Variants in ARID4B observed in about 807,000 individuals in gnomAD.
The protein encoded by ARID4B is AT-rich interaction domain 4B.
A neutral mutation model predicts 147.5 loss-of-function variants in ARID4B; 26 were observed. The observed-to-expected ratio is 0.18, with a 90% CI of 0.13 to 0.24. ARID4B has a LOEUF of 0.24. Among genes scored for constraint, ARID4B ranks in the 10% least tolerant of loss-of-function variants. ARID4B has a pLI of 1.00. For missense variants in ARID4B, 1,179 were observed against 1,511.5 expected (o/e 0.78, Z 3.65); for synonymous variants, 512 against 507.9 (o/e 1.01, Z -0.11).
At chr1:235,270,733 C>T (rs1291655934) in intron 2 of ARID4B, among the ~76,000 whole-genome samples, 1 of 152,234 alleles carries the variant, frequency 6.6e-6, no homozygotes, top group Non-Finnish European at 1.5e-5. Flanking sequence ...AGCCAATCTA[C>T]TCTGCCTTGA....
intron 8 of ARID4B, among the ~76,000 whole-genome samples, chr1:235,236,530 T>G (rs1160310632): frequency 2.1e-5 from 3 of 140,722 alleles, no homozygotes; most frequent in African/African-American, 8.0e-5. Context: ...GTGTGTGTGT[T>G]TGAGATGGGG....
intron 16 of ARID4B, among the ~76,000 whole-genome samples, chr1:235,215,037 G>T (rs1666968404): frequency 6.6e-6 from 1 of 151,664 alleles, no homozygotes; most frequent in Admixed American, 6.6e-5. Flanking sequence ...TAGTGACAGG[G>T]TTTCACCATG....
At chr1:235,194,256 TATCAGAAACA>T (rs1201059639) in intron 18 of ARID4B, 45 bp from the exon 19 acceptor site, 2 of 1,389,328 alleles carry the variant, frequency 1.4e-6, no homozygotes, top group Non-Finnish European at 1.0e-6. Context: ...ATAAGGCATT[TATCAGAAACA>T]ATGTTAATGT....
chr1:235,221,574 G>T lies in ARID4B; in HGVS notation c.1154C>A (p.Ala385Asp). ...NSAAGYNVKCAYKKYLYGFEE... is the reference protein window; with the variant it reads ...NSAAGYNVKCDYKKYLYGFEE... ...AATTATACTAACTTACTTTTTATAA[G>T]CACATTTAACATTGTATCCTGCAGC... Residue 385 changes from alanine to aspartate, a missense_variant, in exon 14 of 24, where the codon GCT (alanine) becomes GAT (aspartate). Transcript: ENST00000264183. The T allele has an allele frequency of 1.3e-6, 2 of 1,584,608 alleles. No individual in the cohort carries two copies. The highest frequency in any genetic ancestry group is 8.6e-7 in the Non-Finnish European group (1 of 1,160,238).
intron 17 of ARID4B, among the ~76,000 whole-genome samples, chr1:235,205,778 C>T (rs1666268839): frequency 6.6e-6 from 1 of 152,122 alleles, no homozygotes; most frequent in South Asian, 2.1e-4. Flanking sequence ...AAATGTTCAA[C>T]TCTACATTTC....
intron 2 of ARID4B, among the ~76,000 whole-genome samples, chr1:235,284,121 G>A (rs1671829860): frequency 6.6e-6 from 1 of 152,106 alleles, no homozygotes; most frequent in Non-Finnish European, 1.5e-5. Flanking sequence ...CACCACTTTG[G>A]AAGGCCTAGA....
At chr1:235,196,256 G>A (rs1665482977) in intron 17 of ARID4B, 141 bp from the exon 18 acceptor site, 1 of 456,214 alleles carries the variant, frequency 2.2e-6, no homozygotes, top group Non-Finnish European at 3.8e-6. Flanking sequence ...TTCCTGGTTT[G>A]AAGAGCAAGC....
chr1:235,327,157 T>A, intron 1 of ARID4B, 189 bp from the exon 2 acceptor site: 1 of 533,966 alleles, frequency 1.9e-6, no homozygotes, highest in East Asian at 3.2e-5. Flanking sequence ...CCCAACCACC[T>A]ACACAGCTCG....
chr1:235,228,981 C>G (rs767766947), intron 11 of ARID4B: 6 of 393,948 alleles, frequency 1.5e-5, no homozygotes, highest in Non-Finnish European at 2.7e-5. Context: ...TTAAAAAAAG[C>G]ATAGGAAGAC....
chr1:235,221,747 A>G lies in ARID4B; in HGVS notation c.1066-85T>C, dbSNP rs1667477713. On this transcript the variant is annotated intron_variant, in intron 13 of 23. Coordinates refer to ENST00000264183, the MANE Select transcript of ARID4B (RefSeq NM_016374.6). ...TGATAGACACAGTATATATGAGTAT[A>G]TTTTTATATTTATTGGTCCTAGACT... 6.4e-5 allele frequency: 36 copies of G among 564,942 alleles called. 1 individual carries two copies. The South Asian group carries it at 1.2e-3, about 19-fold the overall frequency. 35.0% of individuals were successfully genotyped at this position (564,942 alleles called of 1,614,324 possible).
At chr1:235,232,123 A>T (rs1668276602) in intron 9 of ARID4B, among the ~76,000 whole-genome samples, 1 of 152,042 alleles carries the variant, frequency 6.6e-6, no homozygotes, top group African/African-American at 2.4e-5. Context: ...CCCATCTCTT[A>T]AAAAATAAAG....
intron 16 of ARID4B, among the ~76,000 whole-genome samples, chr1:235,214,836 C>CTTTT (rs1558209454): frequency 6.0e-5 from 3 of 49,658 alleles, no homozygotes; most frequent in Non-Finnish European, 7.9e-5. Flanking sequence ...AGTATTACAT[C>CTTTT]CTTTTTTTTT....
intron 2 of ARID4B, among the ~76,000 whole-genome samples, chr1:235,272,261 C>A (rs868833107): frequency 2.6e-5 from 4 of 152,164 alleles, no homozygotes; most frequent in Non-Finnish European, 5.9e-5. Context: ...AATATACCAA[C>A]ATTTTGCAAA....
chr1:235,265,348 A>G (rs2103127645), intron 2 of ARID4B, among the ~76,000 whole-genome samples: 1 of 151,898 alleles, frequency 6.6e-6, no homozygotes, highest in East Asian at 1.9e-4. Flanking sequence ...CCCAGGCGAC[A>G]CTGTGAGACT....
rs866753090 is a variant in ARID4B at position 235,236,866 on chromosome 1, T to A, written c.586-2374A>T. On this transcript the variant is annotated intron_variant, in intron 8 of 23. Transcript: ENST00000264183. ...TATATATATATATATATATATATTT[T>A]TTTTTTTTTTTTTTTTTTTTTTTGA... Among the ~76,000 whole-genome samples, 152 of 25,862 alleles carry A rather than the reference T, an allele frequency of 5.9e-3. 1 individual carries two copies. Among genetic ancestry groups the A allele is most frequent in the South Asian group, 0.02 (4 of 202 alleles). The allele number at this position is 25,862 out of a possible 152,430, so 17.0% of individuals were successfully genotyped here. A position where few individuals can be genotyped will look rare whatever the true frequency, so the allele number is the denominator to read the frequency against.
chr1:235,256,992 C>A (rs573572779), intron 4 of ARID4B, among the ~76,000 whole-genome samples, 168 bp downstream of exon 4: 1 of 152,296 alleles, frequency 6.6e-6, no homozygotes, highest in South Asian at 2.1e-4. Context: ...CCTCCTGCCT[C>A]AGCCTCCTTA....
chr1:235,190,195 C>T (rs1664998268), intron 19 of ARID4B: 1 of 152,404 alleles, frequency 6.6e-6, no homozygotes, highest in Non-Finnish European at 1.5e-5. Context: ...TGCCAGTAAT[C>T]CCAGCACTTT....
At chr1:235,323,363 C>T (rs886096868) in intron 2 of ARID4B, among the ~76,000 whole-genome samples, 4 of 151,918 alleles carry the variant, frequency 2.6e-5, no homozygotes, top group South Asian at 2.1e-4. Flanking sequence ...CTAAATCATT[C>T]CTCCTCTAAA....
In ARID4B at chr1:235,209,563, G is replaced by GTTTTTTTTTTTT. The variant is rs374681138; in HGVS notation, c.1841+4205_1841+4206insAAAAAAAAAAAA. Among the ~76,000 whole-genome samples, 19 of 137,206 alleles carry GTTTTTTTTTTTT rather than the reference G, an allele frequency of 1.4e-4. 1 individual carries two copies. The highest frequency in any genetic ancestry group is 5.1e-4 in the African/African-American group (18 of 35,122). The allele number at this position is 137,206 out of a possible 152,430, so 90.0% of individuals were successfully genotyped here. A position where few individuals can be genotyped will look rare whatever the true frequency, so the allele number is the denominator to read the frequency against. On this transcript the variant is annotated intron_variant, in intron 17 of 23. Transcript: ENST00000264183. ...AAGAAAATTGATTTTTTTGTTTTTT[G>GTTTTTTTTTTTT]TTTTGTTTTTTTTTTTTTGAGATGG...
Sources: allele counts gnomAD v4.1 joint callset (sites outside exome capture counted in the v4.1 genomes callset), GRCh38; gene constraint gnomAD v4.1.1; transcripts MANE v1.5; gene names NCBI Gene and HGNC (gene_info 2026-07-23, HGNC 2026-07-21).